UGT1A9: variants seen among roughly 807,000 people sequenced by gnomAD.
UGT1A9 encodes the protein UDP-glucuronosyltransferase 1A9.
In UGT1A9, 35 loss-of-function variants were observed where a neutral mutation model predicts 45.0. The ratio of observed to expected loss-of-function variants is 0.78; its 90% confidence interval spans 0.59 to 1.03. UGT1A9 has a LOEUF of 1.03. Ranked by LOEUF, UGT1A9 falls within the 50% of genes least tolerant of loss-of-function variation. The pLI, the probability that UGT1A9 is intolerant of heterozygous loss-of-function variation, is 0.00. For missense variants in UGT1A9, 687 were observed against 666.6 expected (o/e 1.03, Z -0.34); for synonymous variants, 278 against 250.6 (o/e 1.11, Z -1.03).
rs756280025 is a variant in UGT1A9, at chr2:233,723,536, T to TAA, written c.856-43497_856-43496dup. 2.4e-4 allele frequency among the ~76,000 whole-genome samples: 29 copies of TAA among 121,476 alleles called. 1 individual carries two copies. Among genetic ancestry groups the TAA allele is most frequent in the South Asian group, 1.3e-3 (4 of 3,196 alleles). The allele number at this position is 121,476 out of a possible 152,430, so 79.7% of individuals were successfully genotyped here. ...ACAATCTTTTTTTTTTTTTTTTTTTTAATTTATTTTTTTATTGATAATTCT... is the reference window on the plus strand; with the variant it reads ...ACAATCTTTTTTTTTTTTTTTTTTTTAAAATTTATTTTTTTATTGATAATTCT... On this transcript the variant is annotated intron_variant, in intron 1 of 4. Transcript: ENST00000354728.
In UGT1A9 at chr2:233,769,728, G is replaced by A. The variant is rs1027354407; in HGVS notation, c.1295+1289G>A. The stretch of plus-strand genomic sequence containing the variant: ...ATGTTGGCTAGGCACCATGGCACAC[G>A]CCTGTAGTCCCAGCCACTCTGGAGG... On this transcript the variant is annotated intron_variant, in intron 4 of 4. Coordinates refer to ENST00000354728, the MANE Select transcript of UGT1A9 (RefSeq NM_021027.3). This position sits in a 1 kb window ranked among gnomAD's most constrained non-coding sequence, Gnocchi z 4.4. The A allele has an allele frequency of 4.6e-5, 67 of 1,472,430 alleles. No homozygotes were observed. The highest frequency in any genetic ancestry group is 5.8e-5 in the Non-Finnish European group (64 of 1,110,636). 91.2% of individuals were successfully genotyped at this position (1,472,430 alleles called of 1,614,324 possible). A position where few individuals can be genotyped will look rare whatever the true frequency, so the allele number is the denominator to read the frequency against.
chr2:233,769,716 A>G lies in UGT1A9; in HGVS notation c.1295+1277A>G, dbSNP rs1255233011. 6.7e-7 allele frequency: 1 copy of G among 1,492,612 alleles called. No individual in the cohort carries two copies. Among genetic ancestry groups the G allele is most frequent in the East Asian group, 2.5e-5 (1 of 40,446 alleles). The allele number at this position is 1,492,612 out of a possible 1,614,324, so 92.5% of individuals were successfully genotyped here. A position where few individuals can be genotyped will look rare whatever the true frequency, so the allele number is the denominator to read the frequency against. Reference sequence around the variant, plus strand: ...GATAAAAGATCAATGTTGGCTAGGCACCATGGCACACGCCTGTAGTCCCAG... The same window carrying G: ...GATAAAAGATCAATGTTGGCTAGGCGCCATGGCACACGCCTGTAGTCCCAG... On this transcript the variant is annotated intron_variant, in intron 4 of 4. Coordinates refer to ENST00000354728, the MANE Select transcript of UGT1A9 (RefSeq NM_021027.3). The surrounding 1 kb of genome is among the most constrained non-coding windows in gnomAD (Gnocchi z 4.4).
At chr2:233,750,456 A>G (rs1220214854) in intron 1 of UGT1A9, among the ~76,000 whole-genome samples, 2 of 151,996 alleles carry the variant, frequency 1.3e-5, no homozygotes, top group Non-Finnish European at 2.9e-5. Flanking sequence ...CAAACCAGCT[A>G]CAGAAATACT....
chr2:233,690,689 C>A, intron 1 of UGT1A9: 1 of 1,253,178 alleles, frequency 8.0e-7, no homozygotes, highest in Non-Finnish European at 1.0e-6. Flanking sequence ...TCCAGCGGAG[C>A]TACTCTTTAG....
At chr2:233,747,673 T>G in intron 1 of UGT1A9, 1 of 1,605,188 alleles carries the variant, frequency 6.2e-7, no homozygotes, top group Non-Finnish European at 8.5e-7. Context: ...ATAGACCCAA[T>G]TTACCTCTGT....
At chr2:233,734,548 T>C (rs1157329537) in intron 1 of UGT1A9, among the ~76,000 whole-genome samples, 1 of 152,212 alleles carries the variant, frequency 6.6e-6, no homozygotes, top group Non-Finnish European at 1.5e-5. Context: ...TTTCTTCCCT[T>C]CTGCTAGCTT....
intron 1 of UGT1A9, among the ~76,000 whole-genome samples, chr2:233,707,202 C>G (rs2075948467): frequency 6.6e-6 from 1 of 152,136 alleles, no homozygotes; most frequent in African/African-American, 2.4e-5. Flanking sequence ...GTTCTATTCC[C>G]TTTCCATCTT....
intron 1 of UGT1A9, chr2:233,750,548 G>C (rs1694498401): frequency 1.3e-5 from 2 of 151,982 alleles, no homozygotes; most frequent in African/African-American, 4.9e-5. Context: ...GTGCACATCA[G>C]AGACCTTTGC....
chr2:233,747,622 T>G, intron 1 of UGT1A9: 6 of 1,577,576 alleles, frequency 3.8e-6, no homozygotes, highest in Non-Finnish European at 5.2e-6. Context: ...AATGAGGCCC[T>G]GATCAGGCAC....
At chr2:233,685,374 T>A (rs1452490457) in intron 1 of UGT1A9, among the ~76,000 whole-genome samples, 1 of 152,178 alleles carries the variant, frequency 6.6e-6, no homozygotes, top group Non-Finnish European at 1.5e-5. Flanking sequence ...TCACTTCCAC[T>A]TTTCTTGACT....
rs934551202 is a variant in UGT1A9 at position 233,699,876 on chromosome 2, G to A, written c.855+27087G>A. On this transcript the variant is annotated intron_variant, in intron 1 of 4. Coordinates refer to ENST00000354728, the MANE Select transcript of UGT1A9 (RefSeq NM_021027.3). ...AGATATGTCTGAAGACATTTTTGGT[G>A]TTGCAATTGGAGAGGCGAAATAGTC... is the stretch of plus-strand genomic sequence containing the variant. Among the ~76,000 whole-genome samples, 57 of 152,266 alleles carry A rather than the reference G, an allele frequency of 3.7e-4. 1 individual carries two copies. The highest frequency in any genetic ancestry group is 3.9e-4 in the East Asian group (2 of 5,188).
At chr2:233,713,126 G>A in intron 1 of UGT1A9, 1 of 1,614,234 alleles carries the variant, frequency 6.2e-7, no homozygotes. Context: ...TCAGCATGCG[G>A]GAGGCCTTGC....
rs368882210 is a variant in UGT1A9 at position 233,718,907 on chromosome 2, A to G, written c.855+46118A>G. The G allele has an allele frequency of 5.1e-5, 83 of 1,614,008 alleles. No homozygotes were observed. In the East Asian group the frequency reaches 5.3e-4, roughly 10 times the overall value. On this transcript the variant is annotated intron_variant, in intron 1 of 4. Coordinates refer to ENST00000354728, the MANE Select transcript of UGT1A9 (RefSeq NM_021027.3). ...GTGTCCAGCCCTGGGCTGAGAGTGG[A>G]AAGGTGTTGGTGGTGCCCACTGATG...
chr2:233,735,829 A>G (rs1353832025), intron 1 of UGT1A9, among the ~76,000 whole-genome samples: 8 of 152,278 alleles, frequency 5.3e-5, no homozygotes, highest in African/African-American at 1.9e-4. Context: ...AGAATGTTGA[A>G]TATTGGCCCC....
At chr2:233,732,137 TTTG>T (rs1309636549) in intron 1 of UGT1A9, among the ~76,000 whole-genome samples, 1 of 152,050 alleles carries the variant, frequency 6.6e-6, no homozygotes, top group African/African-American at 2.4e-5. Context: ...AGGTTGTTTG[TTTG>T]TTTTTTTTCT....
Position 233,768,343 on chromosome 2 carries a change from G to T in UGT1A9, c.1199G>T (p.Arg400Leu), listed in dbSNP as rs140613392. 1.2e-6 allele frequency: 2 copies of T among 1,614,170 alleles called. No homozygotes were observed. The highest frequency in any genetic ancestry group is 1.7e-6 in the Non-Finnish European group (2 of 1,180,042). ...LFGDQMDNAK[R>L]METKGAGVTL... is the part of the protein sequence containing the mutation. ...GGTGATCAGATGGACAATGCAAAGC[G>T]CATGGAGACTAAGGGAGCTGGAGTG... The change falls in exon 4 of 5, where the codon CGC becomes CTC. Residue 400 changes from arginine to leucine, a missense_variant. Coordinates refer to ENST00000354728, the MANE Select transcript of UGT1A9 (RefSeq NM_021027.3).
intron 1 of UGT1A9, among the ~76,000 whole-genome samples, chr2:233,712,498 ATGT>A (rs1196672713): frequency 6.6e-6 from 1 of 152,200 alleles, no homozygotes; most frequent in Non-Finnish European, 1.5e-5. Context: ...TGGCTTAGCA[ATGT>A]TGTCTGCATT....
rs767252152 is a variant in UGT1A9 at position 233,682,228 on chromosome 2, C to A, written c.855+9439C>A. 297 of 1,614,236 alleles carry A rather than the reference C, an allele frequency of 1.8e-4. 2 individuals carry two copies. The South Asian group carries it at 3.1e-3, about 17-fold the overall frequency. On this transcript the variant is annotated intron_variant, in intron 1 of 4. Coordinates refer to ENST00000354728, the MANE Select transcript of UGT1A9 (RefSeq NM_021027.3). ...AGTTCATGGTTTTTGCCGATGCTCG[C>A]TGGACGGCACCATTGCGAAGTGCAT... is the stretch of plus-strand genomic sequence containing the variant.
At chr2:233,682,337 G>C (rs753738317) in intron 1 of UGT1A9, 1 of 1,614,108 alleles carries the variant, frequency 6.2e-7, no homozygotes, top group African/African-American at 1.3e-5. Flanking sequence ...CCGAAAATTA[G>C]TAGAATACTT....
Sources: allele counts gnomAD v4.1 joint callset (sites outside exome capture counted in the v4.1 genomes callset), GRCh38; gene constraint gnomAD v4.1.1; non-coding constraint Gnocchi (gnomAD v3.1); transcripts MANE v1.5; gene names NCBI Gene and HGNC (gene_info 2026-07-23, HGNC 2026-07-21).